The following HERC3 variants were observed in gnomAD, a reference collection of about 807,000 sequenced individuals.
The protein encoded by HERC3 is probable E3 ubiquitin-protein ligase HERC3.
In HERC3, 58 loss-of-function variants were observed where a neutral mutation model predicts 129.9. That is an observed-to-expected ratio of 0.45 (90% CI 0.36 to 0.56). HERC3 has a LOEUF of 0.56. HERC3 is among the 20% of genes least tolerant of loss of function. The pLI, the probability that HERC3 is intolerant of heterozygous loss-of-function variation, is 0.00. For missense variants in HERC3, 835 were observed against 1,244.2 expected (o/e 0.67, Z 4.95); for synonymous variants, 430 against 451.0 (o/e 0.95, Z 0.59).
chr4:88,707,146 GGTT>G lies in HERC3; in HGVS notation c.*188_*190del. On this transcript the variant is annotated 3_prime_UTR_variant, in exon 26 of 26. Coordinates refer to ENST00000402738, the MANE Select transcript of HERC3 (RefSeq NM_014606.3). The stretch of plus-strand genomic sequence containing the variant: ...TAAACAACCTTTTTGAAAAATTAGA[GGTT>G]GGGGATGGGGTGAAAAATTGGCCCT... 2 of 597,212 alleles carry G rather than the reference GGTT, an allele frequency of 3.3e-6. No homozygotes were observed. The highest frequency in any genetic ancestry group is 2.9e-6 in the Non-Finnish European group (1 of 340,130). The allele number at this position is 597,212 out of a possible 1,614,324, so 37.0% of individuals were successfully genotyped here. A position where few individuals can be genotyped will look rare whatever the true frequency, so the allele number is the denominator to read the frequency against.
chr4:88,683,408 T>C (rs1390768559), intron 21 of HERC3, among the ~76,000 whole-genome samples: 1 of 152,124 alleles, frequency 6.6e-6, no homozygotes, highest in Non-Finnish European at 1.5e-5. Context: ...AGAAAAAACT[T>C]AGAAGTAATA....
chr4:88,562,229 T>A, the HERC3 span, among the ~76,000 whole-genome samples: 1 of 152,234 alleles, frequency 6.6e-6, no homozygotes, highest in African/African-American at 2.4e-5. Flanking sequence ...AATTTTGATT[T>A]GCATTTTTCT....
chr4:88,568,008 G>A, the HERC3 span, among the ~76,000 whole-genome samples: 8 of 152,190 alleles, frequency 5.3e-5, no homozygotes, highest in African/African-American at 1.9e-4. Flanking sequence ...TGTATTAGAG[G>A]CCACCCCAAA....
chr4:88,697,985 T>A (rs1196617255), intron 23 of HERC3, among the ~76,000 whole-genome samples: 1 of 152,138 alleles, frequency 6.6e-6, no homozygotes. Flanking sequence ...CCCTGACATC[T>A]TCTGGGCCCT....
chr4:88,581,561 C>T, the HERC3 span, among the ~76,000 whole-genome samples: 2 of 151,980 alleles, frequency 1.3e-5, no homozygotes, highest in South Asian at 2.1e-4. Flanking sequence ...TCACCTTGGC[C>T]TCCTAAAGTA....
At chr4:88,627,284 A>C (rs1301680455) in intron 3 of HERC3, among the ~76,000 whole-genome samples, 2 of 152,140 alleles carry the variant, frequency 1.3e-5, no homozygotes, top group Non-Finnish European at 1.5e-5. Context: ...CAAGTTCTGC[A>C]TCATGGATTC....
chr4:88,535,712 A>G, the HERC3 span, among the ~76,000 whole-genome samples: 7 of 152,178 alleles, frequency 4.6e-5, no homozygotes, highest in Non-Finnish European at 8.8e-5. Context: ...TAAAGCCACC[A>G]GTCCCATCAT....
intron 2 of HERC3, among the ~76,000 whole-genome samples, chr4:88,603,008 T>G (rs1260246822): frequency 6.6e-6 from 1 of 152,162 alleles, no homozygotes. Flanking sequence ...ACAGTTATTG[T>G]AAGGGTGTTG....
chr4:88,535,010 G>T, the HERC3 span, among the ~76,000 whole-genome samples: 1 of 152,184 alleles, frequency 6.6e-6, no homozygotes, highest in Non-Finnish European at 1.5e-5. Flanking sequence ...TCAGGAATTT[G>T]ACAACTTTAA....
In HERC3 at chr4:88,595,548, A is replaced by G. The variant is rs931454521; in HGVS notation, c.-87-9A>G. ...TACTAATGTTATTTATTATTTCTTTAACTTGCAGAACTGCAAGGTGTGGAA... is the reference window on the plus strand; with the variant it reads ...TACTAATGTTATTTATTATTTCTTTGACTTGCAGAACTGCAAGGTGTGGAA... On this transcript the variant is annotated splice_polypyrimidine_tract_variant and intron_variant, in intron 1 of 25. Coordinates refer to ENST00000402738, the MANE Select transcript of HERC3 (RefSeq NM_014606.3). The G allele has an allele frequency of 2.6e-5, 4 of 152,244 alleles. No individual in the cohort carries two copies. Among genetic ancestry groups the G allele is most frequent in the Non-Finnish European group, 5.9e-5 (4 of 68,042 alleles). 9.4% of individuals were successfully genotyped at this position (152,244 alleles called of 1,614,324 possible).
At chr4:88,552,249 C>T in the HERC3 span, among the ~76,000 whole-genome samples, 20,927 of 150,924 alleles carry the variant, frequency 0.14, 1,721 homozygotes, top group Admixed American at 0.23. Context: ...CTAACCTGCA[C>T]ATTGTGCACA....
chr4:88,615,541 A>G lies in HERC3; in HGVS notation c.226+9492A>G, dbSNP rs73844027. On this transcript the variant is annotated intron_variant, in intron 3 of 25. Coordinates refer to ENST00000402738, the MANE Select transcript of HERC3 (RefSeq NM_014606.3). Reference sequence around the variant, plus strand: ...ACAACTGAAATCATGATTGTGAATAATTTTAATTTAGAGTATTAGCTAATT... The same window carrying G: ...ACAACTGAAATCATGATTGTGAATAGTTTTAATTTAGAGTATTAGCTAATT... Among the ~76,000 whole-genome samples the G allele has an allele frequency of 3.0e-3, 462 of 152,294 alleles. 4 individuals are homozygous for G. Among genetic ancestry groups the G allele is most frequent in the African/African-American group, 0.01 (435 of 41,574 alleles).
intron 10 of HERC3, among the ~76,000 whole-genome samples, chr4:88,662,118 A>T (rs892237045): frequency 6.6e-6 from 1 of 152,290 alleles, no homozygotes; most frequent in Non-Finnish European, 1.5e-5. Context: ...AGCCAGTCCC[A>T]TGAGGAGCAC....
intron 21 of HERC3, among the ~76,000 whole-genome samples, chr4:88,682,784 C>T (rs370131454): frequency 2.8e-4 from 43 of 151,412 alleles, no homozygotes; most frequent in African/African-American, 1.0e-3. Flanking sequence ...AATAAACATA[C>T]GTGTGCATGT....
At chr4:88,681,376 G>A (rs1314963107) in intron 21 of HERC3, 51 bp downstream of exon 21, 2 of 1,498,040 alleles carry the variant, frequency 1.3e-6, no homozygotes, top group Admixed American at 3.7e-5. Flanking sequence ...GCTGCCTCTG[G>A]CATGAGGATT....
the HERC3 span, among the ~76,000 whole-genome samples, chr4:88,560,894 T>TTGACAC: frequency 2.6e-5 from 4 of 152,308 alleles, no homozygotes; most frequent in Non-Finnish European, 4.4e-5. Context: ...TATGTGACTG[T>TTGACAC]ATATGCTTGG....
intron 9 of HERC3, chr4:88,657,454 C>T (rs190463434): frequency 2.0e-5 from 3 of 152,280 alleles, no homozygotes; most frequent in African/African-American, 7.2e-5. Context: ...GTCCTCTTCT[C>T]TGTAATTTGT....
intron 9 of HERC3, chr4:88,656,949 G>C (rs1729967462): frequency 1.3e-5 from 2 of 152,258 alleles, no homozygotes; most frequent in South Asian, 4.2e-4. Flanking sequence ...CTACTTTGCT[G>C]TTGGCATTTT....
intron 2 of HERC3, among the ~76,000 whole-genome samples, chr4:88,603,273 T>C (rs1410308334): frequency 6.7e-6 from 1 of 149,086 alleles, no homozygotes; most frequent in Non-Finnish European, 1.5e-5. Context: ...AGTGGCGCCA[T>C]CTTGGCTCAC....
Sources: allele counts gnomAD v4.1 joint callset (sites outside exome capture counted in the v4.1 genomes callset), GRCh38; gene constraint gnomAD v4.1.1; transcripts MANE v1.5; gene names NCBI Gene and HGNC (gene_info 2026-07-23, HGNC 2026-07-21).